PSMC6: variants seen among roughly 807,000 people sequenced by gnomAD.
The protein encoded by PSMC6 is 26S proteasome regulatory subunit 10B.
A neutral mutation model predicts 55.9 loss-of-function variants in PSMC6; 3 were observed. The ratio of observed to expected loss-of-function variants is 0.05; its 90% CI spans 0.02 to 0.14. PSMC6 has a LOEUF of 0.14. Among genes scored for constraint, PSMC6 ranks in the 10% least tolerant of loss-of-function variants. The pLI is 1.00. For missense variants in PSMC6, 210 were observed against 478.7 expected, an observed-to-expected ratio of 0.44 and a Z score of 5.24; for synonymous variants, 137 against 155.9, an observed-to-expected ratio of 0.88 and a Z score of 0.90.
intron 12 of PSMC6, chr14:52,721,770 G>C (rs1427613486): frequency 6.6e-6 from 1 of 152,514 alleles, no homozygotes; most frequent in African/African-American, 2.4e-5. Flanking sequence ...TTACCAAGAA[G>C]GTAATTTATT....
intron 13 of PSMC6, among the ~76,000 whole-genome samples, chr14:52,725,564 C>T (rs1880376480): frequency 6.6e-6 from 1 of 152,322 alleles, no homozygotes; most frequent in Non-Finnish European, 1.5e-5. Context: ...CGGAGTCTCA[C>T]TCTGGCCCAG....
chr14:52,715,906 A>G (rs990367018), intron 7 of PSMC6, among the ~76,000 whole-genome samples: 1 of 151,986 alleles, frequency 6.6e-6, no homozygotes, highest in African/African-American at 2.4e-5. Flanking sequence ...CATGAGCCAC[A>G]ATGTCCAGCC....
chr14:52,708,178 T>C (rs1269307365), intron 1 of PSMC6, 131 bp from the exon 2 acceptor site: 7 of 718,366 alleles, frequency 9.7e-6, no homozygotes, highest in African/African-American at 5.4e-5. Flanking sequence ...ATTTCTTTTA[T>C]GGTTTGAAAC....
intron 6 of PSMC6, among the ~76,000 whole-genome samples, chr14:52,713,314 T>C (rs181057969): frequency 1.3e-5 from 2 of 152,366 alleles, no homozygotes; most frequent in East Asian, 3.9e-4. Flanking sequence ...TCTCTACTTT[T>C]CTTCCTTGAA....
At chr14:52,723,083 A>T (rs1344336006) in intron 12 of PSMC6, 1 of 152,238 alleles carries the variant, frequency 6.6e-6, no homozygotes, top group Admixed American at 6.5e-5. Flanking sequence ...AAGGATGTCA[A>T]TGTATAGGTT....
At chr14:52,722,301 A>T (rs1880229250) in intron 12 of PSMC6, 1 of 152,004 alleles carries the variant, frequency 6.6e-6, no homozygotes, top group African/African-American at 2.4e-5. Flanking sequence ...GGGGCAGAAG[A>T]AGTAGAAGGG....
intron 7 of PSMC6, among the ~76,000 whole-genome samples, chr14:52,714,509 T>C (rs1266711193): frequency 6.6e-6 from 1 of 152,226 alleles, no homozygotes; most frequent in African/African-American, 2.4e-5. Flanking sequence ...CCTCAAATTG[T>C]GGTTCACAGA....
At position 52,728,322 on chromosome 14, in the gene PSMC6, G is replaced by A. The variant is rs1397154890; in HGVS notation, c.*705G>A. The A allele has an allele frequency of 1.3e-5, 2 of 152,194 alleles. No homozygotes were observed. Among genetic ancestry groups the A allele is most frequent in the Non-Finnish European group, 2.9e-5 (2 of 68,018 alleles). 9.4% of individuals were successfully genotyped at this position (152,194 alleles called of 1,614,324 possible). A position where few individuals can be genotyped will look rare whatever the true frequency, so the allele number is the denominator to read the frequency against. The stretch of plus-strand genomic sequence containing the variant: ...GCTAATATGTGACTGGGTTTTCTTG[G>A]TTTATGTAAGACGATAGGTCCCTGT... On this transcript the variant is annotated 3_prime_UTR_variant, in exon 14 of 14. Transcript: ENST00000445930.
intron 3 of PSMC6, 21 bp from the exon 4 acceptor site, chr14:52,708,743 C>A (rs950787431): frequency 3.7e-6 from 6 of 1,610,670 alleles, no homozygotes; most frequent in Non-Finnish European, 4.2e-6. Flanking sequence ...TCAATTAGTT[C>A]TTTTATGTTT....
intron 7 of PSMC6, among the ~76,000 whole-genome samples, chr14:52,715,701 C>G (rs2041823332): frequency 6.7e-6 from 1 of 149,758 alleles, no homozygotes; most frequent in South Asian, 2.1e-4. Flanking sequence ...GCTGCAACTT[C>G]TGCCTCTTGG....
intron 7 of PSMC6, among the ~76,000 whole-genome samples, chr14:52,716,623 C>T (rs1036233116): frequency 3.3e-5 from 5 of 152,102 alleles, no homozygotes; most frequent in Non-Finnish European, 5.9e-5. Flanking sequence ...TGTAGTAGTT[C>T]ATGCCTGTAA....
chr14:52,708,056 A>G (rs766964131), intron 1 of PSMC6, among the ~76,000 whole-genome samples: 8 of 152,232 alleles, frequency 5.3e-5, no homozygotes, highest in Non-Finnish European at 1.2e-4. Flanking sequence ...TTCTAAGACT[A>G]TAACTTAAGA....
At chr14:52,714,619 C>T (rs375181091) in intron 7 of PSMC6, among the ~76,000 whole-genome samples, 2 of 152,092 alleles carry the variant, frequency 1.3e-5, no homozygotes, top group East Asian at 3.9e-4. Flanking sequence ...CCCAGCACTT[C>T]GGGAGGCCGA....
intron 4 of PSMC6, chr14:52,709,920 A>G (rs2041748718): frequency 5.6e-6 from 1 of 177,100 alleles, no homozygotes; most frequent in South Asian, 9.6e-5. Context: ...TGTATTTCCT[A>G]TAGATGTAAA....
chr14:52,727,423 A>C, intron 13 of PSMC6, 76 bp from the exon 14 acceptor site: 1 of 971,322 alleles, frequency 1.0e-6, no homozygotes, highest in Non-Finnish European at 1.5e-6. Flanking sequence ...ATTCCATAGA[A>C]TTATATTGTT....
intron 12 of PSMC6, chr14:52,722,004 C>G (rs1880203787): frequency 6.6e-6 from 1 of 152,352 alleles, no homozygotes; most frequent in Admixed American, 6.5e-5. Context: ...AGCAATCTGC[C>G]CACCTCGGCC....
At chr14:52,720,612 A>C (rs1051849361) in intron 10 of PSMC6, among the ~76,000 whole-genome samples, 1 of 152,134 alleles carries the variant, frequency 6.6e-6, no homozygotes, top group Non-Finnish European at 1.5e-5. Flanking sequence ...AGATTTATTA[A>C]AACTACCTGG....
chr14:52,709,638 T>C (rs908071038), intron 4 of PSMC6: 1 of 450,760 alleles, frequency 2.2e-6, no homozygotes, highest in South Asian at 1.6e-5. Context: ...GACAAGACTG[T>C]ATTTGAAGAC....
At chr14:52,709,866 A>AATT in intron 4 of PSMC6, 2 of 196,268 alleles carry the variant, frequency 1.0e-5, no homozygotes, top group Non-Finnish European at 2.1e-5. Context: ...AAAAAATTTC[A>AATT]CATTGTGGAG....
Sources: gnomAD v4.1 joint callset for allele counts (sites outside exome capture counted in the v4.1 genomes callset) on GRCh38, gnomAD v4.1.1 for gene constraint, MANE v1.5 for transcripts, NCBI Gene and HGNC (gene_info 2026-07-23, HGNC 2026-07-21) for gene names.